Variants in GASK1B observed in about 807,000 individuals in gnomAD.
GASK1B encodes the protein Golgi-associated kinase 1B.
In GASK1B, 34 loss-of-function variants were observed where a neutral mutation model predicts 42.8. That is an observed-to-expected ratio of 0.79 (90% confidence interval 0.60 to 1.06). The LOEUF is 1.06. Ranked by LOEUF, GASK1B falls within the 50% of genes least tolerant of loss-of-function variation. The probability of loss-of-function intolerance (pLI) is 0.00; values close to 1 mark genes in which losing one functional copy is unlikely to be tolerated. For synonymous variants in GASK1B, 262 were observed against 259.1 expected, an observed-to-expected ratio of 1.01 and a Z score of -0.11; for missense variants, 686 against 661.0, an observed-to-expected ratio of 1.04 and a Z score of -0.42.
At chr4:158,127,719 A>C (rs892309777) in intron 4 of GASK1B, 105 bp from the exon 5 acceptor site, 2 of 1,012,472 alleles carry the variant, frequency 2.0e-6, no homozygotes, top group African/African-American at 1.6e-5. Context: ...ACACTAACAA[A>C]TGGTATCTTT....
intron 3 of GASK1B, among the ~76,000 whole-genome samples, chr4:158,141,920 C>CTTTTTT (rs36207959): frequency 2.5e-4 from 12 of 47,620 alleles, no homozygotes; most frequent in African/African-American, 5.2e-4. Context: ...GTTGTGGTTT[C>CTTTTTT]TTTTTTTTTT....
rs1327089226 is a variant in GASK1B at position 158,171,289 on chromosome 4, G to A, written c.87C>T (p.Ser29=). The change falls in exon 2 of 5, where the codon AGC becomes AGT. Residue 29 remains serine, a synonymous_variant. Coordinates refer to ENST00000585682, the MANE Select transcript of GASK1B (RefSeq NM_001128424.2). ...GGTTTCTCCGGGTCCTTGGACGCCG[G>A]CTGCTCCAGAGCTTACGCACCCGCG... is the stretch of plus-strand genomic sequence containing the variant. ...CVPRVRKLWS[S]RRPRTRRNLL... is the part of the protein sequence containing the mutation. 1 of 1,613,630 alleles carries A rather than the reference G, an allele frequency of 6.2e-7. No homozygotes were observed. Among genetic ancestry groups the A allele is most frequent in the South Asian group, 1.1e-5 (1 of 91,034 alleles).
Position 158,124,743 on chromosome 4 carries a change from ACT to A in GASK1B, c.*2662_*2663del, listed in dbSNP as rs1313365251. ...CAAACACAATCCAACAAAATTCTTGACTCTCTTTCTTTTTTCACCGCTAAAGG... is the reference window on the plus strand; with the variant it reads ...CAAACACAATCCAACAAAATTCTTGACTCTTTCTTTTTTCACCGCTAAAGG... On this transcript the variant is annotated 3_prime_UTR_variant, in exon 5 of 5. Transcript: ENST00000585682. 18 of 152,232 alleles carry A rather than the reference ACT, an allele frequency of 1.2e-4. No homozygotes were observed. The South Asian group carries it at 3.7e-3, about 32-fold the overall frequency. 9.4% of individuals were successfully genotyped at this position (152,232 alleles called of 1,614,324 possible). A position where few individuals can be genotyped will look rare whatever the true frequency, so the allele number is the denominator to read the frequency against.
At chr4:158,169,439 CATTGGAA>C (rs1732367604) in intron 2 of GASK1B, 1 of 152,160 alleles carries the variant, frequency 6.6e-6, no homozygotes, top group Non-Finnish European at 1.5e-5. Context: ...ATGCTAAAGC[CATTGGAA>C]ATGCAGTTGG....
At chr4:158,137,579 T>C (rs572787512) in intron 3 of GASK1B, among the ~76,000 whole-genome samples, 8 of 152,128 alleles carry the variant, frequency 5.3e-5, no homozygotes, top group Non-Finnish European at 8.8e-5. Context: ...GTTGGCCCCA[T>C]GTAGTCTAAT....
At chr4:158,166,569 C>T (rs1732238226) in intron 2 of GASK1B, among the ~76,000 whole-genome samples, 1 of 152,088 alleles carries the variant, frequency 6.6e-6, no homozygotes, top group South Asian at 2.1e-4. Context: ...TTGTAAGAGT[C>T]CCCAGGCATA....
At chr4:158,169,089 C>T (rs1477019459) in intron 2 of GASK1B, 36 of 152,134 alleles carry the variant, frequency 2.4e-4, no homozygotes, top group Admixed American at 2.4e-3. Flanking sequence ...TCTCAATAAG[C>T]CTCAATTTTC....
chr4:158,151,355 A>G (rs1366340031), intron 3 of GASK1B, among the ~76,000 whole-genome samples: 1 of 152,230 alleles, frequency 6.6e-6, no homozygotes, highest in Non-Finnish European at 1.5e-5. Flanking sequence ...GAAACACAGT[A>G]TGGAATGTTG....
intron 1 of GASK1B, 109 bp downstream of exon 1, chr4:158,172,759 C>G (rs190372274): frequency 1.7e-3 from 252 of 151,974 alleles, no homozygotes; most frequent in African/African-American, 5.7e-3. Context: ...CTTGGTGGAG[C>G]AGCCGCAGCC....
Position 158,170,891 on chromosome 4 carries a change from A to G in GASK1B, c.485T>C (p.Val162Ala), listed in dbSNP as rs145420454. 9.7e-5 allele frequency: 156 copies of G among 1,614,064 alleles called. No homozygotes were observed. The highest frequency in any genetic ancestry group is 1.2e-4 in the Non-Finnish European group (140 of 1,180,050). Reference sequence around the variant, plus strand: ...TGCTCCCTGAGCGTACCCAGGTGCTACAGCATCAGCTTCCCTTGCCGCTTC... The same window carrying G: ...TGCTCCCTGAGCGTACCCAGGTGCTGCAGCATCAGCTTCCCTTGCCGCTTC... ...PQEAAREADA[V>A]APGYAQGANL... Residue 162 changes from valine (V) to alanine (A), a missense_variant, in exon 2 of 5, where the codon GTA becomes GCA. Transcript: ENST00000585682.
intron 3 of GASK1B, among the ~76,000 whole-genome samples, chr4:158,138,214 C>G (rs1048691262): frequency 5.3e-5 from 8 of 152,192 alleles, no homozygotes; most frequent in African/African-American, 1.9e-4. Flanking sequence ...CACAGAAAGA[C>G]TGGAGTCACC....
rs747631262 is a variant in GASK1B, at chr4:158,155,631, G to A, written c.1105C>T (p.Leu369Phe). 6.2e-7 allele frequency: 1 copy of A among 1,613,490 alleles called. No homozygotes were observed. Residue 369 changes from leucine to phenylalanine, a missense_variant, in exon 3 of 5, where the codon CTC becomes TTC. Physicochemically the swap from Leu to Phe is conservative, Grantham distance 22. Transcript: ENST00000585682. ...CTTACCTGTAACAAAAAATCAAAGA[G>A]TGCCATCTTGGACCACTCATGATGA... ...IHHHEWSKMA[L>F]FDFLLQIYNR...
At chr4:158,132,701 T>C (rs1291749650) in intron 3 of GASK1B, among the ~76,000 whole-genome samples, 1 of 152,130 alleles carries the variant, frequency 6.6e-6, no homozygotes, top group Non-Finnish European at 1.5e-5. Context: ...GCTGGTCACA[T>C]GTGTGGCAAG....
At chr4:158,135,375 A>T (rs1424529097) in intron 3 of GASK1B, among the ~76,000 whole-genome samples, 1 of 150,402 alleles carries the variant, frequency 6.6e-6, no homozygotes, top group Admixed American at 6.6e-5. Flanking sequence ...TATATATATA[A>T]AATGCTGCTA....
intron 3 of GASK1B, 49 bp from the exon 4 acceptor site, chr4:158,131,061 T>A: frequency 6.6e-7 from 1 of 1,504,388 alleles, no homozygotes; most frequent in Non-Finnish European, 9.2e-7. Context: ...AAACAAAACT[T>A]GGGAAAGTTA....
chr4:158,141,558 C>T (rs1731116610), intron 3 of GASK1B, among the ~76,000 whole-genome samples: 1 of 150,594 alleles, frequency 6.6e-6, no homozygotes, highest in South Asian at 2.1e-4. Flanking sequence ...ATGTTAATGC[C>T]CAAAAGGGAG....
At chr4:158,154,865 G>A (rs1218274519) in intron 3 of GASK1B, among the ~76,000 whole-genome samples, 1 of 152,108 alleles carries the variant, frequency 6.6e-6, no homozygotes, top group African/African-American at 2.4e-5. Context: ...GGAAAGAATG[G>A]GAGGAGAGTG....
chr4:158,165,222 C>G (rs1036128717), intron 2 of GASK1B, among the ~76,000 whole-genome samples: 1 of 152,218 alleles, frequency 6.6e-6, no homozygotes, highest in Admixed American at 6.5e-5. Context: ...TCTGGCAAAG[C>G]TGCTAAATCA....
At chr4:158,140,577 T>A (rs4472184) in intron 3 of GASK1B, among the ~76,000 whole-genome samples, 140,490 of 152,216 alleles carry the variant, frequency 0.92, 65,148 homozygotes, top group East Asian at 0.98. Context: ...TTATATTTGC[T>A]CCCTACCAGA....
Sources: allele counts gnomAD v4.1 joint callset (sites outside exome capture counted in the v4.1 genomes callset), GRCh38; gene constraint gnomAD v4.1.1; transcripts MANE v1.5; gene names NCBI Gene and HGNC (gene_info 2026-07-23, HGNC 2026-07-21).